Variants in ALOX5 observed in about 807,000 individuals in gnomAD.
ALOX5 encodes arachidonate 5-lipoxygenase, also known as polyunsaturated fatty acid 5-lipoxygenase.
ALOX5 carries 64 observed loss-of-function variants against 87.9 expected under a neutral mutation model. That is an observed-to-expected ratio of 0.73 (90% confidence interval 0.60 to 0.90). The LOEUF is 0.90. Ranked by LOEUF, ALOX5 falls within the 40% of genes least tolerant of loss-of-function variation. The pLI is 0.00. For synonymous variants in ALOX5, 388 were observed against 355.1 expected (o/e 1.09, Z -1.04); for missense variants, 822 against 907.5 (o/e 0.91, Z 1.21).
intron 6 of ALOX5, among the ~76,000 whole-genome samples, chr10:45,426,150 G>C (rs1248003280): frequency 6.6e-6 from 1 of 152,244 alleles, no homozygotes; most frequent in Non-Finnish European, 1.5e-5. Context: ...GCTAGATGTA[G>C]TAACATTGAT....
rs763905273 is a variant in ALOX5 at position 45,382,571 on chromosome 10, A to G, written c.239A>G (p.Asp80Gly). Reference protein sequence around the residue: ...IEKRKYWLNDDWYLKYITLKT... With the variant: ...IEKRKYWLNDGWYLKYITLKT... ...AAGCGCAAGTACTGGCTGAATGACG[A>G]CTGGTACCTGAAGTACATCACGCTG... is the stretch of plus-strand genomic sequence containing the variant. Residue 80 changes from aspartate (D) to glycine (G), a missense_variant, in exon 2 of 14, where the codon GAC becomes GGC. Coordinates refer to ENST00000374391, the MANE Select transcript of ALOX5 (RefSeq NM_000698.5). 18 of 1,614,062 alleles carry G rather than the reference A, an allele frequency of 1.1e-5. No individual in the cohort carries two copies.
chr10:45,412,943 A>G (rs533720470), intron 4 of ALOX5, among the ~76,000 whole-genome samples: 11 of 152,304 alleles, frequency 7.2e-5, no homozygotes, highest in South Asian at 2.1e-4. Context: ...TGTTAAACAT[A>G]TGGATCCCCC....
At chr10:45,379,045 G>A (rs900070522) in intron 1 of ALOX5, among the ~76,000 whole-genome samples, 3 of 152,120 alleles carry the variant, frequency 2.0e-5, no homozygotes, top group Admixed American at 6.5e-5. Flanking sequence ...TGTGCTGGAG[G>A]GTCACCCCAC....
chr10:45,388,348 C>T (rs1026467008), intron 2 of ALOX5, among the ~76,000 whole-genome samples: 10 of 152,220 alleles, frequency 6.6e-5, no homozygotes, highest in Admixed American at 2.0e-4. Flanking sequence ...ACTAGTGGTT[C>T]ACCCAACATG....
At chr10:45,412,664 A>G (rs1018660582) in intron 4 of ALOX5, among the ~76,000 whole-genome samples, 1 of 152,190 alleles carries the variant, frequency 6.6e-6, no homozygotes, top group African/African-American at 2.4e-5. Flanking sequence ...CCAAGATGGC[A>G]GGTGCTATGG....
chr10:45,443,933 C>A, intron 12 of ALOX5, 105 bp downstream of exon 12: 1 of 1,450,258 alleles, frequency 6.9e-7, no homozygotes, highest in Non-Finnish European at 9.3e-7. Context: ...AGCCTCGGGG[C>A]CTGGCACGGG....
chr10:45,408,856 T>C (rs577431768), intron 3 of ALOX5, among the ~76,000 whole-genome samples: 1 of 152,354 alleles, frequency 6.6e-6, no homozygotes, highest in South Asian at 2.1e-4. Context: ...GGTTACATGT[T>C]CTTCTATTTT....
At chr10:45,379,137 C>T (rs1839739256) in intron 1 of ALOX5, among the ~76,000 whole-genome samples, 1 of 152,132 alleles carries the variant, frequency 6.6e-6, no homozygotes, top group South Asian at 2.1e-4. Flanking sequence ...CCCTGTGGGA[C>T]CTGCCCAGTC....
At chr10:45,382,787 C>A in intron 2 of ALOX5, 106 bp downstream of exon 2, 1 of 1,360,404 alleles carries the variant, frequency 7.4e-7, no homozygotes, top group Non-Finnish European at 1.0e-6. Context: ...TGTGCAGGGG[C>A]GGGAAGTGGG....
intron 4 of ALOX5, among the ~76,000 whole-genome samples, chr10:45,422,292 T>C (rs980570077): frequency 1.2e-4 from 18 of 152,248 alleles, no homozygotes; most frequent in East Asian, 9.6e-4. Flanking sequence ...CTCCATCCTC[T>C]CATTCTGCTG....
At chr10:45,441,300 C>G in intron 8 of ALOX5, 44 bp from the exon 9 acceptor site, 1 of 1,579,298 alleles carries the variant, frequency 6.3e-7, no homozygotes, top group Non-Finnish European at 8.7e-7. Flanking sequence ...CACCAGGTCA[C>G]CTGACTGGGC....
chr10:45,415,303 GA>G (rs1053988359), intron 4 of ALOX5, among the ~76,000 whole-genome samples: 19 of 152,302 alleles, frequency 1.2e-4, no homozygotes, highest in African/African-American at 4.6e-4. Context: ...GATGAAGCTG[GA>G]AACCATTATT....
intron 1 of ALOX5, among the ~76,000 whole-genome samples, chr10:45,380,352 C>A (rs1353140453): frequency 6.6e-6 from 1 of 152,252 alleles, no homozygotes; most frequent in East Asian, 1.9e-4. Flanking sequence ...GACTACAGAG[C>A]ACAGGGAGGA....
chr10:45,442,518 C>G (rs1842269307), intron 9 of ALOX5: 1 of 153,504 alleles, frequency 6.5e-6, no homozygotes, highest in South Asian at 2.1e-4. Context: ...TGCCAGTGAG[C>G]TTGTGAGTGT....
chr10:45,430,860 C>T (rs1841882297), intron 7 of ALOX5, among the ~76,000 whole-genome samples: 1 of 152,130 alleles, frequency 6.6e-6, no homozygotes, highest in Non-Finnish European at 1.5e-5. Flanking sequence ...TCTTTATCAG[C>T]CCCAAATTGA....
At position 45,374,614 on chromosome 10, in the gene ALOX5, C is replaced by A. The variant is rs191675886; in HGVS notation, c.150+185C>A. Among the ~76,000 whole-genome samples, 992 of 152,256 alleles carry A rather than the reference C, an allele frequency of 6.5e-3. 5 individuals carry two copies. Among genetic ancestry groups the A allele is most frequent in the Non-Finnish European group, 0.01 (695 of 67,998 alleles). On this transcript the variant is annotated intron_variant, in intron 1 of 13. Transcript: ENST00000374391. ...GGGCGTGCCCTGGGCTCCCAGTGGC[C>A]GGTGGGTACCCTGGTGGGCAAGCGT...
At chr10:45,428,506 C>A in intron 6 of ALOX5, 112 bp from the exon 7 acceptor site, 1 of 1,366,782 alleles carries the variant, frequency 7.3e-7, no homozygotes, top group Middle Eastern at 2.5e-4. Context: ...CTGAGCTCCG[C>A]TGAGTCGCAG....
intron 1 of ALOX5, among the ~76,000 whole-genome samples, 172 bp from the exon 2 acceptor site, chr10:45,382,311 A>G (rs1839858034): frequency 2.0e-5 from 3 of 152,212 alleles, no homozygotes; most frequent in South Asian, 2.1e-4. Flanking sequence ...TCCTGCTTCT[A>G]AGAAACAGCA....
intron 2 of ALOX5, among the ~76,000 whole-genome samples, chr10:45,387,217 T>C (rs1347350651): frequency 1.3e-5 from 2 of 152,194 alleles, no homozygotes; most frequent in African/African-American, 2.4e-5. Flanking sequence ...CACATGTGTC[T>C]CTTCTAAAGC....
Sources: gnomAD v4.1 joint callset for allele counts (sites outside exome capture counted in the v4.1 genomes callset) on GRCh38, gnomAD v4.1.1 for gene constraint, MANE v1.5 for transcripts, NCBI Gene and HGNC (gene_info 2026-07-23, HGNC 2026-07-21) for gene names.